PPFIA1: variants seen among roughly 807,000 people sequenced by gnomAD.
PPFIA1 encodes the protein liprin-alpha-1.
A neutral mutation model predicts 149.9 loss-of-function variants in PPFIA1; 25 were observed. That is an observed-to-expected ratio of 0.17 (90% confidence interval 0.12 to 0.23). The LOEUF is 0.23. Among genes scored for constraint, PPFIA1 ranks in the 10% least tolerant of loss-of-function variants. PPFIA1 has a pLI of 1.00. For synonymous variants in PPFIA1, 549 were observed against 552.8 expected, an observed-to-expected ratio of 0.99 and a Z score of 0.10; for missense variants, 1,362 against 1,506.5, an observed-to-expected ratio of 0.90 and a Z score of 1.59.
In PPFIA1 at chr11:70,372,381, G is replaced by A. The variant is rs1345975848; in HGVS notation, c.3032G>A (p.Ser1011Asn). The change falls in exon 22 of 28, where the codon AGT becomes AAT. Residue 1011 changes from serine to asparagine, a missense_variant. Physicochemically the swap from Ser to Asn is conservative, Grantham distance 46 (BLOSUM62 1). This residue lies in a region of PPFIA1 where 349 missense variants were observed against 373.3 expected (regional missense o/e 0.93). Transcript: ENST00000253925. ...CGAGGGCAGCTGAAAATGGTCGACA[G>A]TTTTCACAGGTAACTTAATGGAGAT... ...DLRGQLKMVD[S>N]FHRNSFQCGI... 2 of 1,614,172 alleles carry A rather than the reference G, an allele frequency of 1.2e-6. No individual in the cohort carries two copies. Among genetic ancestry groups the A allele is most frequent in the Admixed American group, 3.3e-5 (2 of 60,016 alleles).
At chr11:70,338,524 G>A in intron 13 of PPFIA1, 71 bp downstream of exon 13, 2 of 1,289,424 alleles carry the variant, frequency 1.6e-6, no homozygotes, top group Non-Finnish European at 2.2e-6. Flanking sequence ...TATGTGGGCA[G>A]CCTAACTGGA....
chr11:70,297,405 C>T (rs1024427635), intron 2 of PPFIA1, among the ~76,000 whole-genome samples: 2 of 150,486 alleles, frequency 1.3e-5, no homozygotes, highest in African/African-American at 4.9e-5. Flanking sequence ...AGACTTGTCT[C>T]TAAAATGAAA....
intron 27 of PPFIA1, 50 bp from the exon 28 acceptor site, chr11:70,382,953 G>C (rs1214844025): frequency 2.7e-6 from 1 of 365,430 alleles, no homozygotes; most frequent in African/African-American, 2.3e-5. Flanking sequence ...CCGTTCGTCA[G>C]TATGGCCCGG....
intron 2 of PPFIA1, among the ~76,000 whole-genome samples, chr11:70,311,981 T>C (rs1470243309): frequency 6.6e-6 from 1 of 150,924 alleles, no homozygotes; most frequent in Non-Finnish European, 1.5e-5. Context: ...CAGCAGGGAC[T>C]ACAGGCATGC....
In PPFIA1 at chr11:70,282,226, C is replaced by G. The variant is rs190859446; in HGVS notation, c.264+9790C>G. The G allele has an allele frequency of 7.9e-5, 12 of 152,440 alleles. No individual in the cohort carries two copies. The East Asian group carries it at 2.3e-3, about 29-fold the overall frequency. 9.4% of individuals were successfully genotyped at this position (152,440 alleles called of 1,614,324 possible). A position where few individuals can be genotyped will look rare whatever the true frequency, so the allele number is the denominator to read the frequency against. Reference sequence around the variant, plus strand: ...GGGCTGTTCCACCCTGCTGTAGTCTCTACTCTTCCCCATGCCCTGTGTCAG... The same window carrying G: ...GGGCTGTTCCACCCTGCTGTAGTCTGTACTCTTCCCCATGCCCTGTGTCAG... On this transcript the variant is annotated intron_variant, in intron 2 of 27. Transcript: ENST00000253925.
intron 1 of PPFIA1, chr11:70,271,806 C>G (rs12806426): frequency 7.1e-6 from 1 of 140,828 alleles, no homozygotes; most frequent in Non-Finnish European, 1.5e-5. Flanking sequence ...CCCCCTACCC[C>G]CCCACCCTCC....
At position 70,383,724 on chromosome 11, in the gene PPFIA1, G is replaced by A. The variant is rs531182563; in HGVS notation, c.*734G>A. On this transcript the variant is annotated 3_prime_UTR_variant, in exon 28 of 28. Coordinates refer to ENST00000253925, the MANE Select transcript of PPFIA1 (RefSeq NM_003626.5). ...TCCTAGCCTAGTCTCTGGATTTGGGGAGCTTGTCTTCAGTGGCTGAGACTG... is the reference window on the plus strand; with the variant it reads ...TCCTAGCCTAGTCTCTGGATTTGGGAAGCTTGTCTTCAGTGGCTGAGACTG... The A allele has an allele frequency of 2.0e-4, 30 of 152,890 alleles. No individual in the cohort carries two copies. Among genetic ancestry groups the A allele is most frequent in the African/African-American group, 6.5e-4 (27 of 41,604 alleles). The allele number at this position is 152,890 out of a possible 1,614,324, so 9.5% of individuals were successfully genotyped here.
chr11:70,326,254 G>T lies in PPFIA1; in HGVS notation c.607-8G>T. 1 of 1,506,700 alleles carries T rather than the reference G, an allele frequency of 6.6e-7. No individual in the cohort carries two copies. The allele number at this position is 1,506,700 out of a possible 1,614,324, so 93.3% of individuals were successfully genotyped here. A position where few individuals can be genotyped will look rare whatever the true frequency, so the allele number is the denominator to read the frequency against. On this transcript the variant is annotated splice_polypyrimidine_tract_variant and splice_region_variant and intron_variant, in intron 5 of 27. Coordinates refer to ENST00000253925, the MANE Select transcript of PPFIA1 (RefSeq NM_003626.5). ...ATTTTACACTCATATTCAATTTTTT[G>T]CTTTCAGCTAATGATTCTTAAAGAA...
chr11:70,286,860 A>T (rs2051168915), intron 2 of PPFIA1, among the ~76,000 whole-genome samples: 1 of 149,384 alleles, frequency 6.7e-6, no homozygotes, highest in Non-Finnish European at 1.5e-5. Flanking sequence ...CCTTCTAAGA[A>T]GCTGGGACTA....
chr11:70,289,195 C>T (rs1279849564), intron 2 of PPFIA1, among the ~76,000 whole-genome samples: 1 of 151,878 alleles, frequency 6.6e-6, no homozygotes, highest in Non-Finnish European at 1.5e-5. Flanking sequence ...TGGTTTTGAA[C>T]TCCTGACCTC....
At chr11:70,375,996 TG>T (rs2057474342) in intron 24 of PPFIA1, among the ~76,000 whole-genome samples, 2 of 152,002 alleles carry the variant, frequency 1.3e-5, no homozygotes, top group Non-Finnish European at 2.9e-5. Context: ...GTTGTTTTTT[TG>T]TTTGTTTTGA....
At chr11:70,300,149 C>T (rs2052383360) in intron 2 of PPFIA1, among the ~76,000 whole-genome samples, 1 of 151,930 alleles carries the variant, frequency 6.6e-6, no homozygotes, top group Admixed American at 6.6e-5. Context: ...GCCAGCCATG[C>T]CCTCTGCCCC....
intron 10 of PPFIA1, among the ~76,000 whole-genome samples, chr11:70,334,968 G>A (rs2054883895): frequency 6.6e-6 from 1 of 152,096 alleles, no homozygotes; most frequent in Non-Finnish European, 1.5e-5. Context: ...TTTGATTATG[G>A]TTTTATAAAA....
In PPFIA1 at chr11:70,382,787, CA is replaced by C. The variant is rs542876787; in HGVS notation, c.*13-212del. On this transcript the variant is annotated intron_variant, in intron 27 of 27. Transcript: ENST00000253925. ...TAATTGGTAACATGGAGACGTAAGCCAAAATGAAGTCAGCCAAGGAGCTGTC... is the reference window on the plus strand; with the variant it reads ...TAATTGGTAACATGGAGACGTAAGCCAAATGAAGTCAGCCAAGGAGCTGTC... Among the ~76,000 whole-genome samples the C allele has an allele frequency of 2.0e-3, 311 of 152,202 alleles. 2 individuals carry two copies. The highest frequency in any genetic ancestry group is 7.3e-3 in the African/African-American group (304 of 41,534).
At chr11:70,366,170 T>C (rs2056925807) in intron 21 of PPFIA1, among the ~76,000 whole-genome samples, 1 of 152,188 alleles carries the variant, frequency 6.6e-6, no homozygotes, top group Admixed American at 6.5e-5. Context: ...TTTGAACATT[T>C]CTCATATGGT....
At chr11:70,359,757 AT>A (rs1376809593) in intron 19 of PPFIA1, among the ~76,000 whole-genome samples, 1 of 152,232 alleles carries the variant, frequency 6.6e-6, no homozygotes, top group Non-Finnish European at 1.5e-5. Flanking sequence ...TTCACAAATT[AT>A]ATGACCTTTT....
intron 2 of PPFIA1, among the ~76,000 whole-genome samples, chr11:70,288,079 T>TC (rs2051271219): frequency 6.6e-6 from 1 of 151,554 alleles, no homozygotes; most frequent in African/African-American, 2.4e-5. Flanking sequence ...CTTTTTTTTT[T>TC]TTTTTTCTTT....
At chr11:70,307,541 G>C (rs1241557664) in intron 2 of PPFIA1, among the ~76,000 whole-genome samples, 4 of 152,154 alleles carry the variant, frequency 2.6e-5, no homozygotes, top group Admixed American at 2.6e-4. Flanking sequence ...GAACAGGGCT[G>C]AAAGGGAGAT....
chr11:70,308,128 A>T (rs2052993280), intron 2 of PPFIA1, among the ~76,000 whole-genome samples: 1 of 152,202 alleles, frequency 6.6e-6, no homozygotes. Context: ...GGCTCACCGC[A>T]ACCTTCGCCT....
Sources: gnomAD v4.1 joint callset for allele counts (sites outside exome capture counted in the v4.1 genomes callset) on GRCh38, gnomAD v4.1.1 for gene constraint, gnomAD v4.1.1 regional missense constraint, MANE v1.5 for transcripts, NCBI Gene and HGNC (gene_info 2026-07-23, HGNC 2026-07-21) for gene names.